The following RSPH1 variants were observed in gnomAD, a reference collection of about 807,000 sequenced individuals.
RSPH1 encodes the protein radial spoke head component 1.
RSPH1 carries 32 observed loss-of-function variants against 44.2 expected under a neutral mutation model. The observed-to-expected ratio is 0.72, with a 90% CI of 0.55 to 0.97. RSPH1 has a LOEUF of 0.97. Ranked by LOEUF, RSPH1 falls within the 50% of genes least tolerant of loss-of-function variation. RSPH1 has a pLI of 0.00. For missense variants in RSPH1, 391 were observed against 398.7 expected (o/e 0.98, Z 0.16); for synonymous variants, 134 against 147.3 (o/e 0.91, Z 0.65).
intron 5 of RSPH1, chr21:42,485,278 C>G: frequency 5.6e-6 from 1 of 178,092 alleles, no homozygotes; most frequent in Admixed American, 5.6e-5. Context: ...GATGTCGCAC[C>G]TCCCCTTCCA....
rs769219493 is a variant in RSPH1, at chr21:42,493,099, ACAATTACAGCTAC to A, written c.55-33_55-21del. 6.3e-7 allele frequency: 1 copy of A among 1,591,724 alleles called. No individual in the cohort carries two copies. Among genetic ancestry groups the A allele is most frequent in the Non-Finnish European group, 8.6e-7 (1 of 1,160,336 alleles). ...ATATTCCTGGGTAATGAAAATTGAC[ACAATTACAGCTAC>A]CATTCATTAAGCGCTAACCAGGTGC... On this transcript the variant is annotated intron_variant, in intron 1 of 8. Coordinates refer to ENST00000291536, the MANE Select transcript of RSPH1 (RefSeq NM_080860.4).
chr21:42,483,348 A>G (rs1298405288), intron 5 of RSPH1, among the ~76,000 whole-genome samples: 1 of 152,066 alleles, frequency 6.6e-6, no homozygotes, highest in Non-Finnish European at 1.5e-5. Context: ...ACAAAAGCAT[A>G]CATGTGCTTT....
In RSPH1 at chr21:42,472,771, C is replaced by T. The variant is rs140667368; in HGVS notation, c.*47G>A. 5.7e-5 allele frequency: 84 copies of T among 1,465,876 alleles called. No homozygotes were observed. The highest frequency in any genetic ancestry group is 7.0e-5 in the Non-Finnish European group (73 of 1,049,138). The allele number at this position is 1,465,876 out of a possible 1,614,324, so 90.8% of individuals were successfully genotyped here. Reference sequence around the variant, plus strand: ...TACACACAGCACTGCACCCGGCTAACGACAGAAGCATTCTTATGATACGAT... The same window carrying T: ...TACACACAGCACTGCACCCGGCTAATGACAGAAGCATTCTTATGATACGAT... On this transcript the variant is annotated 3_prime_UTR_variant, in exon 9 of 9. Transcript: ENST00000291536.
intron 1 of RSPH1, 152 bp downstream of exon 1, chr21:42,495,979 GGT>G (rs1278425436): frequency 2.7e-6 from 2 of 732,892 alleles, no homozygotes; most frequent in Non-Finnish European, 4.7e-6. Flanking sequence ...GACGCACGCA[GGT>G]GTGTCTGGCG....
chr21:42,492,920 G>C (rs372346427), intron 2 of RSPH1, 46 bp downstream of exon 2: 1 of 1,586,874 alleles, frequency 6.3e-7, no homozygotes, highest in Non-Finnish European at 8.7e-7. Context: ...TTTGCTAACA[G>C]AGTATTAAAT....
intron 8 of RSPH1, among the ~76,000 whole-genome samples, chr21:42,475,467 C>T (rs112063504): frequency 0.2 from 29,566 of 150,468 alleles, 3,127 homozygotes; most frequent in African/African-American, 0.22. Flanking sequence ...ACTTGGGATG[C>T]TGAGGCAGGG....
At chr21:42,481,615 A>T (rs2054128615) in intron 6 of RSPH1, among the ~76,000 whole-genome samples, 1 of 152,248 alleles carries the variant, frequency 6.6e-6, no homozygotes, top group African/African-American at 2.4e-5. Context: ...CAAAAGCGTG[A>T]TTCCACACTC....
At chr21:42,475,402 C>T (rs2054035309) in intron 8 of RSPH1, among the ~76,000 whole-genome samples, 1 of 151,720 alleles carries the variant, frequency 6.6e-6, no homozygotes, top group African/African-American at 2.4e-5. Flanking sequence ...CCCACCTCTA[C>T]TAAAAATACA....
At chr21:42,487,137 T>C (rs1242871012) in intron 3 of RSPH1, among the ~76,000 whole-genome samples, 1 of 152,164 alleles carries the variant, frequency 6.6e-6, no homozygotes, top group Non-Finnish European at 1.5e-5. Context: ...GCTAAGTCCT[T>C]ATAGGCTTGG....
At chr21:42,485,045 T>C (rs1398606399) in intron 5 of RSPH1, 2 of 152,188 alleles carry the variant, frequency 1.3e-5, no homozygotes, top group African/African-American at 4.8e-5. Context: ...GCTACCACGA[T>C]GGCCTGAGTA....
At chr21:42,489,253 T>C (rs1004077044) in intron 3 of RSPH1, among the ~76,000 whole-genome samples, 2 of 151,682 alleles carry the variant, frequency 1.3e-5, no homozygotes, top group Non-Finnish European at 2.9e-5. Context: ...AGCTGTTTGG[T>C]TGGCTGGTTG....
Position 42,492,980 on chromosome 21 carries a change from T to C in RSPH1, c.154A>G (p.Lys52Glu). Residue 52 changes from lysine to glutamate, a missense_variant, in exon 2 of 9, where the codon AAA becomes GAA. Lys to Glu is a moderately conservative substitution (Grantham distance 56). Coordinates refer to ENST00000291536, the MANE Select transcript of RSPH1 (RefSeq NM_080860.4). ...ACGGTTCTGACCTGGCCATGTCTTT[T>C]ACCGAATTCGTAGCTCCCTTCGTAG... ...DTYEGSYEFGKRHGQGIYKFK... is the reference protein window; with the variant it reads ...DTYEGSYEFGERHGQGIYKFK... The C allele has an allele frequency of 6.2e-7, 1 of 1,614,190 alleles. No homozygotes were observed. Among genetic ancestry groups the C allele is most frequent in the Non-Finnish European group, 8.5e-7 (1 of 1,180,004 alleles).
At position 42,491,897 on chromosome 21, in the gene RSPH1, A is replaced by C. The variant is rs1486807702; in HGVS notation, c.274+861T>G. Among the ~76,000 whole-genome samples, 9 of 152,322 alleles carry C rather than the reference A, an allele frequency of 5.9e-5. No homozygotes were observed. In the East Asian group the frequency reaches 1.7e-3, roughly 29 times the overall value. On this transcript the variant is annotated intron_variant, in intron 3 of 8. Transcript: ENST00000291536. Reference sequence around the variant, plus strand: ...CTCACTATGGATCAGGCAAGGTTGCAGGTGTCTCCCTGTGTTTATCCATTG... The same window carrying C: ...CTCACTATGGATCAGGCAAGGTTGCCGGTGTCTCCCTGTGTTTATCCATTG...
At chr21:42,488,248 T>C (rs2054199197) in intron 3 of RSPH1, among the ~76,000 whole-genome samples, 1 of 152,092 alleles carries the variant, frequency 6.6e-6, no homozygotes, top group South Asian at 2.1e-4. Context: ...AAATTAACCA[T>C]GAGGATGTGC....
chr21:42,491,988 C>T (rs756699283), intron 3 of RSPH1, among the ~76,000 whole-genome samples: 17 of 152,208 alleles, frequency 1.1e-4, no homozygotes, highest in Non-Finnish European at 2.4e-4. Flanking sequence ...AAGCTCACAC[C>T]TATTGTCACC....
chr21:42,484,594 C>T (rs2054160201), intron 5 of RSPH1: 1 of 152,106 alleles, frequency 6.6e-6, no homozygotes, highest in Admixed American at 6.5e-5. Context: ...TGTTTAAATG[C>T]TTTACAATTG....
intron 4 of RSPH1, 33 bp from the exon 5 acceptor site, chr21:42,485,837 T>C: frequency 1.2e-6 from 2 of 1,613,074 alleles, no homozygotes; most frequent in Middle Eastern, 1.7e-4. Flanking sequence ...GGTATTTCGT[T>C]CCAGCACAGT....
intron 7 of RSPH1, among the ~76,000 whole-genome samples, chr21:42,476,974 G>A (rs1417748828): frequency 3.4e-5 from 2 of 58,012 alleles, no homozygotes; most frequent in Non-Finnish European, 3.8e-5. Flanking sequence ...CCCACAGCCT[G>A]GGGATGCCCC....
At chr21:42,494,212 T>A in intron 1 of RSPH1, among the ~76,000 whole-genome samples, 1 of 152,222 alleles carries the variant, frequency 6.6e-6, no homozygotes, top group East Asian at 1.9e-4. Flanking sequence ...AACATGGGTA[T>A]CTCATAACAT....
Sources: gnomAD v4.1 joint callset for allele counts (sites outside exome capture counted in the v4.1 genomes callset) on GRCh38, gnomAD v4.1.1 for gene constraint, MANE v1.5 for transcripts, NCBI Gene and HGNC (gene_info 2026-07-23, HGNC 2026-07-21) for gene names.